The following CCSER1 variants were observed in gnomAD, a reference collection of about 807,000 sequenced individuals.
The protein encoded by CCSER1 is serine-rich coiled-coil domain-containing protein 1.
In CCSER1, 41 loss-of-function variants were observed where a neutral mutation model predicts 82.0. The observed-to-expected ratio is 0.50, with a 90% CI of 0.39 to 0.65. The LOEUF is 0.65. Among genes scored for constraint, CCSER1 ranks in the 30% least tolerant of loss-of-function variants. The pLI is 0.00. For synonymous variants in CCSER1, 414 were observed against 383.9 expected, an observed-to-expected ratio of 1.08 and a Z score of -0.92; for missense variants, 1,119 against 1,064.2, an observed-to-expected ratio of 1.05 and a Z score of -0.72.
intron 10 of CCSER1, among the ~76,000 whole-genome samples, chr4:91,435,009 T>C (rs1754564260): frequency 6.6e-6 from 1 of 152,242 alleles, no homozygotes; most frequent in South Asian, 2.1e-4. Context: ...TTGTTTTGTC[T>C]ATGTTCCATG....
At chr4:90,722,304 G>C (rs1742814526) in intron 6 of CCSER1, among the ~76,000 whole-genome samples, 1 of 151,794 alleles carries the variant, frequency 6.6e-6, no homozygotes, top group African/African-American at 2.4e-5. Flanking sequence ...AACGAACTGT[G>C]TTCTGTCACT....
At chr4:91,433,421 G>A (rs770337353) in intron 10 of CCSER1, among the ~76,000 whole-genome samples, 14 of 152,240 alleles carry the variant, frequency 9.2e-5, no homozygotes, top group East Asian at 1.9e-4. Context: ...GGCCTTCACC[G>A]TCACTCAGCA....
At chr4:90,374,835 A>C (rs1286984332) in intron 3 of CCSER1, among the ~76,000 whole-genome samples, 1 of 152,122 alleles carries the variant, frequency 6.6e-6, no homozygotes, top group Non-Finnish European at 1.5e-5. Flanking sequence ...AGACTTTTGC[A>C]GTCTGATATT....
At chr4:90,296,650 A>G (rs1046892261) in intron 1 of CCSER1, among the ~76,000 whole-genome samples, 2 of 152,110 alleles carry the variant, frequency 1.3e-5, no homozygotes, top group Admixed American at 6.6e-5. Flanking sequence ...TCTTTAATCC[A>G]TCTTGGATTA....
intron 1 of CCSER1, among the ~76,000 whole-genome samples, chr4:90,221,953 C>CT (rs1458722210): frequency 2.6e-5 from 4 of 152,110 alleles, no homozygotes; most frequent in Admixed American, 6.6e-5. Context: ...ACCTAAATAT[C>CT]TAAGTTATTC....
intron 7 of CCSER1, among the ~76,000 whole-genome samples, chr4:90,813,642 A>G (rs535247683): frequency 6.6e-6 from 1 of 151,802 alleles, no homozygotes; most frequent in East Asian, 1.9e-4. Context: ...CTTCTTCCTC[A>G]TTTTCTCTTG....
At chr4:90,558,672 T>C (rs186077277) in intron 5 of CCSER1, among the ~76,000 whole-genome samples, 2 of 152,284 alleles carry the variant, frequency 1.3e-5, no homozygotes, top group East Asian at 3.9e-4. Flanking sequence ...ATCAGTATCT[T>C]TGTCTGAAAG....
chr4:90,700,135 C>T (rs1007930386), intron 6 of CCSER1, among the ~76,000 whole-genome samples: 1 of 152,168 alleles, frequency 6.6e-6, no homozygotes, highest in Middle Eastern at 3.4e-3. Context: ...TATCCCTCCC[C>T]ACTCCCCTCA....
intron 7 of CCSER1, among the ~76,000 whole-genome samples, chr4:90,740,409 T>C (rs1432152677): frequency 6.6e-6 from 1 of 152,118 alleles, no homozygotes; most frequent in Non-Finnish European, 1.5e-5. Flanking sequence ...GTAAGACAAA[T>C]AAAATTATTT....
At chr4:90,980,545 A>G (rs1310262071) in intron 9 of CCSER1, among the ~76,000 whole-genome samples, 1 of 151,848 alleles carries the variant, frequency 6.6e-6, no homozygotes, top group Admixed American at 6.6e-5. Context: ...TAGAAGGTAA[A>G]GAGTAGAAAC....
chr4:91,363,259 T>C (rs959468582), intron 10 of CCSER1, among the ~76,000 whole-genome samples: 3 of 151,800 alleles, frequency 2.0e-5, no homozygotes, highest in African/African-American at 4.8e-5. Flanking sequence ...AAAAGACCTA[T>C]AGTTTACGTC....
chr4:91,577,009 C>T (rs1388761014), intron 10 of CCSER1, among the ~76,000 whole-genome samples: 3 of 151,228 alleles, frequency 2.0e-5, no homozygotes, highest in Non-Finnish European at 2.9e-5. Context: ...TTATATACTA[C>T]AGTAAAGCTA....
chr4:91,137,097 G>A (rs1480680364), intron 10 of CCSER1, among the ~76,000 whole-genome samples: 4 of 145,878 alleles, frequency 2.7e-5, no homozygotes, highest in Admixed American at 6.9e-5. Flanking sequence ...GGCCATGCTG[G>A]TGCGCTGCAC....
In CCSER1 at chr4:90,424,185, T is replaced by G. The variant is rs561919823; in HGVS notation, c.1603+24056T>G. Among the ~76,000 whole-genome samples the G allele has an allele frequency of 5.9e-5, 9 of 152,056 alleles. No homozygotes were observed. The East Asian group carries it at 1.7e-3, about 29-fold the overall frequency. On this transcript the variant is annotated intron_variant, in intron 4 of 10. Coordinates refer to ENST00000509176, the MANE Select transcript of CCSER1 (RefSeq NM_001145065.2). Reference sequence around the variant, plus strand: ...TGTTTTAGCATTGATTAGCAACTTTTTTTTCTTTAAAGAGGTACATAAAAT... The same window carrying G: ...TGTTTTAGCATTGATTAGCAACTTTGTTTTCTTTAAAGAGGTACATAAAAT...
intron 5 of CCSER1, among the ~76,000 whole-genome samples, chr4:90,570,232 T>A (rs1380776985): frequency 6.6e-6 from 1 of 151,838 alleles, no homozygotes; most frequent in Non-Finnish European, 1.5e-5. Flanking sequence ...TCCTTGGGAG[T>A]CCTGTGGTCT....
At chr4:90,653,478 AAT>A (rs1361783550) in intron 6 of CCSER1, among the ~76,000 whole-genome samples, 2 of 152,146 alleles carry the variant, frequency 1.3e-5, no homozygotes, top group African/African-American at 4.8e-5. Flanking sequence ...TTGAAGAACC[AAT>A]GAGATAAATT....
intron 10 of CCSER1, among the ~76,000 whole-genome samples, chr4:91,160,488 T>C (rs550957141): frequency 1.3e-5 from 2 of 152,196 alleles, no homozygotes; most frequent in Non-Finnish European, 2.9e-5. Flanking sequence ...TCTACAGTGG[T>C]TGAACTAGTT....
intron 8 of CCSER1, among the ~76,000 whole-genome samples, chr4:90,869,974 C>T (rs1224860026): frequency 6.6e-6 from 1 of 151,714 alleles, no homozygotes; most frequent in Admixed American, 6.6e-5. Flanking sequence ...TAAATGGGAA[C>T]ACTTTCTAGA....
intron 4 of CCSER1, among the ~76,000 whole-genome samples, chr4:90,418,086 T>C (rs1326894641): frequency 1.3e-5 from 2 of 152,142 alleles, no homozygotes; most frequent in Non-Finnish European, 2.9e-5. Context: ...AGCCAGGCTA[T>C]GTAAACTTGA....
Sources: allele counts gnomAD v4.1 joint callset (sites outside exome capture counted in the v4.1 genomes callset), GRCh38; gene constraint gnomAD v4.1.1; transcripts MANE v1.5; gene names NCBI Gene and HGNC (gene_info 2026-07-23, HGNC 2026-07-21).